STXBP5: variants seen among roughly 807,000 people sequenced by gnomAD.
STXBP5 encodes syntaxin-binding protein 5.
STXBP5 carries 50 observed loss-of-function variants against 152.4 expected under a neutral mutation model. The observed-to-expected ratio is 0.33, with a 90% CI of 0.26 to 0.42. STXBP5 has a LOEUF of 0.42. STXBP5 is among the 10% of genes least tolerant of loss of function. The pLI, the probability that STXBP5 is intolerant of heterozygous loss-of-function variation, is 1.00. For synonymous variants in STXBP5, 492 were observed against 494.7 expected (o/e 0.99, Z 0.07); for missense variants, 1,167 against 1,388.6 (o/e 0.84, Z 2.54).
At chr6:147,280,588 A>G (rs1159709098) in intron 8 of STXBP5, among the ~76,000 whole-genome samples, 11 of 152,172 alleles carry the variant, frequency 7.2e-5, no homozygotes, top group African/African-American at 2.4e-4. Flanking sequence ...TAGTTTTAGC[A>G]TCTGTTGATG....
At chr6:147,297,462 T>TAA (rs1346853593) in intron 9 of STXBP5, among the ~76,000 whole-genome samples, 1 of 152,136 alleles carries the variant, frequency 6.6e-6, no homozygotes, top group African/African-American at 2.4e-5. Flanking sequence ...TGCTGAGTCC[T>TAA]ACAGCAAGAA....
intron 8 of STXBP5, among the ~76,000 whole-genome samples, chr6:147,280,664 C>A (rs1249959598): frequency 2.0e-5 from 3 of 151,986 alleles, no homozygotes; most frequent in African/African-American, 4.8e-5. Flanking sequence ...TGGTCTTAAT[C>A]TTTTTTTATA....
intron 4 of STXBP5, among the ~76,000 whole-genome samples, chr6:147,244,143 CAA>C (rs1778684010): frequency 1.3e-5 from 2 of 152,190 alleles, no homozygotes; most frequent in South Asian, 2.1e-4. Flanking sequence ...TAGAAGTAAT[CAA>C]GAGATTATTT....
chr6:147,211,838 C>T (rs1285289751), intron 2 of STXBP5, among the ~76,000 whole-genome samples: 2 of 152,202 alleles, frequency 1.3e-5, no homozygotes, highest in Non-Finnish European at 2.9e-5. Flanking sequence ...GCTGAGATTA[C>T]AGGCATGAGC....
intron 9 of STXBP5, chr6:147,293,314 T>C (rs1195562561): frequency 6.6e-6 from 1 of 152,234 alleles, no homozygotes; most frequent in Non-Finnish European, 1.5e-5. Flanking sequence ...AACAGTGTTC[T>C]CTACTTTCTC....
At chr6:147,239,847 C>G (rs1778450209) in intron 4 of STXBP5, among the ~76,000 whole-genome samples, 1 of 151,998 alleles carries the variant, frequency 6.6e-6, no homozygotes, top group African/African-American at 2.4e-5. Context: ...TCATAGAAAT[C>G]TCTTCTAATA....
intron 23 of STXBP5, among the ~76,000 whole-genome samples, chr6:147,359,773 C>A (rs1261819446): frequency 6.6e-6 from 1 of 151,818 alleles, no homozygotes; most frequent in East Asian, 1.9e-4. Context: ...ATCCATGTCC[C>A]TACAAAGGAC....
At chr6:147,346,972 G>A (rs529238980) in intron 21 of STXBP5, among the ~76,000 whole-genome samples, 14 of 152,254 alleles carry the variant, frequency 9.2e-5, no homozygotes, top group South Asian at 2.1e-4. Context: ...GCACGTTCCC[G>A]TTGCAGCACA....
chr6:147,297,569 A>G lies in STXBP5; in HGVS notation c.917+6397A>G, dbSNP rs144170060. Among the ~76,000 whole-genome samples the G allele has an allele frequency of 1.5e-4, 23 of 152,272 alleles. No individual in the cohort carries two copies. The East Asian group carries it at 3.7e-3, about 24-fold the overall frequency. ...ATCAAACTCGTAATACTACAATACT[A>G]TGATGATGCTGTGTAAATCTTTCAG... On this transcript the variant is annotated intron_variant, in intron 9 of 27. Transcript: ENST00000321680.
intron 18 of STXBP5, 42 bp downstream of exon 18, chr6:147,327,318 T>C (rs1783314866): frequency 1.3e-6 from 2 of 1,582,740 alleles, no homozygotes; most frequent in East Asian, 4.5e-5. Context: ...TTAGGATTTC[T>C]ATAAATGCTG....
intron 8 of STXBP5, among the ~76,000 whole-genome samples, chr6:147,287,613 T>A (rs2128348937): frequency 6.6e-6 from 1 of 152,354 alleles, no homozygotes; most frequent in African/African-American, 2.4e-5. Flanking sequence ...TGGCATTTCT[T>A]TTATGTTAAT....
intron 4 of STXBP5, among the ~76,000 whole-genome samples, chr6:147,256,329 A>C (rs1259545507): frequency 6.8e-6 from 1 of 146,374 alleles, no homozygotes; most frequent in Non-Finnish European, 1.5e-5. Context: ...AATTAGTAGA[A>C]ATGTAATATC....
intron 16 of STXBP5, among the ~76,000 whole-genome samples, chr6:147,321,766 ACTTTTTC>A (rs1782949292): frequency 6.6e-6 from 1 of 152,220 alleles, no homozygotes; most frequent in Non-Finnish European, 1.5e-5. Flanking sequence ...TCTTTATAAA[ACTTTTTC>A]CTTAAAAAGT....
chr6:147,304,967 G>C (rs1222269647), intron 9 of STXBP5, among the ~76,000 whole-genome samples: 1 of 152,002 alleles, frequency 6.6e-6, no homozygotes, highest in Non-Finnish European at 1.5e-5. Flanking sequence ...AGTGTGAGGG[G>C]GTATGAGGCT....
At position 147,334,230 on chromosome 6, in the gene STXBP5, G is replaced by GT; in HGVS notation, c.2146+8_2146+9insT. ...GCAAATCTCCAACCTCTGGTAATTT[G>GT]GTTTTTTTTTATTTCATTAATAATT... is the stretch of plus-strand genomic sequence containing the variant. On this transcript the variant is annotated intron_variant, in intron 19 of 27. Coordinates refer to ENST00000321680, the MANE Select transcript of STXBP5 (RefSeq NM_001127715.4). 6.2e-7 allele frequency: 1 copy of GT among 1,607,900 alleles called. No individual in the cohort carries two copies. The highest frequency in any genetic ancestry group is 8.5e-7 in the Non-Finnish European group (1 of 1,177,420).
chr6:147,210,164 G>C (rs531299927), intron 2 of STXBP5, among the ~76,000 whole-genome samples: 58 of 152,268 alleles, frequency 3.8e-4, no homozygotes, highest in African/African-American at 1.4e-3. Flanking sequence ...TTGGAGAAGG[G>C]CTTGACTTGT....
At chr6:147,288,613 C>G (rs1781115216) in intron 8 of STXBP5, among the ~76,000 whole-genome samples, 1 of 152,040 alleles carries the variant, frequency 6.6e-6, no homozygotes, top group South Asian at 2.1e-4. Flanking sequence ...CATCGAGGTC[C>G]TCCTGTTACT....
chr6:147,224,624 T>TG (rs764594279), intron 2 of STXBP5, among the ~76,000 whole-genome samples: 33 of 152,228 alleles, frequency 2.2e-4, no homozygotes, highest in Non-Finnish European at 3.7e-4. Flanking sequence ...CCTGGTAACC[T>TG]GCTACTTACA....
chr6:147,334,281 T>A, intron 19 of STXBP5, 59 bp downstream of exon 19: 1 of 1,470,596 alleles, frequency 6.8e-7, no homozygotes, highest in African/African-American at 1.4e-5. Flanking sequence ...CAAGATAGCA[T>A]ACTAGTGTAC....
Sources: gnomAD v4.1 joint callset for allele counts (sites outside exome capture counted in the v4.1 genomes callset) on GRCh38, gnomAD v4.1.1 for gene constraint, MANE v1.5 for transcripts, NCBI Gene and HGNC (gene_info 2026-07-23, HGNC 2026-07-21) for gene names.